PARP8: variants seen among roughly 807,000 people sequenced by gnomAD.
PARP8 encodes poly(ADP-ribose) polymerase family member 8, also known as protein mono-ADP-ribosyltransferase PARP8.
PARP8 carries 51 observed loss-of-function variants against 124.1 expected under a neutral mutation model. That is an observed-to-expected ratio of 0.41 (90% CI 0.33 to 0.52). The LOEUF (loss-of-function observed/expected upper bound fraction) is 0.52, where lower values mean the gene tolerates loss of function less well. PARP8 is among the 20% of genes least tolerant of loss of function. PARP8 has a pLI of 0.21. For missense variants in PARP8, 860 were observed against 1,018.9 expected, an observed-to-expected ratio of 0.84 and a Z score of 2.12; for synonymous variants, 391 against 361.5, an observed-to-expected ratio of 1.08 and a Z score of -0.93.
chr5:50,674,550 C>G (rs1016288785), intron 2 of PARP8, among the ~76,000 whole-genome samples: 2 of 152,214 alleles, frequency 1.3e-5, no homozygotes, highest in Non-Finnish European at 2.9e-5. Context: ...AATCATTCAT[C>G]TGTTCAGAAG....
rs547813526 is a variant in PARP8 at position 50,712,819 on chromosome 5, C to T, written c.147-37332C>T. On this transcript the variant is annotated intron_variant, in intron 2 of 25. Coordinates refer to ENST00000281631, the MANE Select transcript of PARP8 (RefSeq NM_024615.4). ...ATTTTGGTATAAGGACTGTTTAAAA[C>T]AGGAAAGAAGGAGGAACAAGGTTTT... 3.4e-5 allele frequency among the ~76,000 whole-genome samples: 5 copies of T among 149,048 alleles called. No individual in the cohort carries two copies. In the South Asian group the frequency reaches 1.1e-3, roughly 32 times the overall value.
At chr5:50,825,023 C>A in intron 18 of PARP8, 48 bp downstream of exon 18, 1 of 1,455,782 alleles carries the variant, frequency 6.9e-7, no homozygotes, top group Non-Finnish European at 9.6e-7. Context: ...TCCTTTTCTA[C>A]TGCTTGATTT....
At chr5:50,788,186 A>AATATAAATGTATAAT (rs1741493677) in intron 9 of PARP8, among the ~76,000 whole-genome samples, 2 of 144,570 alleles carry the variant, frequency 1.4e-5, no homozygotes, top group African/African-American at 2.5e-5. Flanking sequence ...ATTAATATAT[A>AATATAAATGTATAAT]ATATATTAAT....
chr5:50,690,165 C>T (rs1275020078), intron 2 of PARP8, among the ~76,000 whole-genome samples: 1 of 152,208 alleles, frequency 6.6e-6, no homozygotes, highest in Non-Finnish European at 1.5e-5. Context: ...TTCCTGCAGC[C>T]TCTCAGGAGG....
rs562746051 is a variant in PARP8, at chr5:50,740,762, G to A, written c.147-9389G>A. 8.6e-5 allele frequency among the ~76,000 whole-genome samples: 13 copies of A among 151,356 alleles called. 1 individual carries two copies. In the South Asian group the frequency reaches 1.2e-3, roughly 15 times the overall value. On this transcript the variant is annotated intron_variant, in intron 2 of 25. Coordinates refer to ENST00000281631, the MANE Select transcript of PARP8 (RefSeq NM_024615.4). ...CAGGAAGTCGAGGCTGCAGTGAACC[G>A]TGATTGTGCCACTGCTCTCCAGCCT...
chr5:50,791,013 T>C (rs1189130810), intron 10 of PARP8, among the ~76,000 whole-genome samples: 1 of 152,056 alleles, frequency 6.6e-6, no homozygotes, highest in Admixed American at 6.6e-5. Flanking sequence ...CTCACAATAA[T>C]TTATAAAAAG....
chr5:50,783,577 A>G (rs994058250), intron 9 of PARP8, among the ~76,000 whole-genome samples: 1 of 152,164 alleles, frequency 6.6e-6, no homozygotes, highest in African/African-American at 2.4e-5. Flanking sequence ...ATCCACTACA[A>G]TTTACATATT....
intron 2 of PARP8, among the ~76,000 whole-genome samples, chr5:50,717,497 T>A (rs917081231): frequency 6.6e-6 from 1 of 151,780 alleles, no homozygotes; most frequent in Non-Finnish European, 1.5e-5. Context: ...GGAGTTCAAG[T>A]GTGAGGTTAG....
intron 18 of PARP8, 97 bp from the exon 19 acceptor site, chr5:50,826,658 C>A: frequency 1.4e-6 from 2 of 1,413,592 alleles, no homozygotes; most frequent in Non-Finnish European, 1.9e-6. Context: ...TAGTTTATGG[C>A]ACAGCAAAAA....
chr5:50,824,856 C>A (rs188619588), intron 17 of PARP8, 52 bp from the exon 18 acceptor site: 1 of 1,493,254 alleles, frequency 6.7e-7, no homozygotes, highest in South Asian at 1.1e-5. Context: ...TTTGTGAAAA[C>A]GGAAAAATGA....
At chr5:50,669,988 T>A (rs995201861) in intron 2 of PARP8, among the ~76,000 whole-genome samples, 12 of 152,238 alleles carry the variant, frequency 7.9e-5, no homozygotes, top group African/African-American at 2.9e-4. Flanking sequence ...AAGCTTGTTC[T>A]AAAATACAAT....
At chr5:50,774,565 G>A (rs1304249730) in intron 7 of PARP8, among the ~76,000 whole-genome samples, 5 of 137,320 alleles carry the variant, frequency 3.6e-5, no homozygotes, top group African/African-American at 8.3e-5. Flanking sequence ...GATGATGGGC[G>A]GCCGGGCAGA....
chr5:50,676,599 C>A (rs1448822022), intron 2 of PARP8, among the ~76,000 whole-genome samples: 2 of 152,190 alleles, frequency 1.3e-5, no homozygotes, highest in African/African-American at 2.4e-5. Flanking sequence ...CTCTTAAATT[C>A]GGTCACTTTG....
chr5:50,815,618 A>G lies in PARP8; in HGVS notation c.1668+94A>G, dbSNP rs763474554. 2.8e-4 allele frequency: 240 copies of G among 847,760 alleles called. 1 individual carries two copies. The highest frequency in any genetic ancestry group is 4.6e-4 in the Admixed American group (13 of 28,188). The allele number at this position is 847,760 out of a possible 1,614,324, so 52.5% of individuals were successfully genotyped here. ...TTCATTCTGCTATTCTTTGGGGAAA[A>G]TATTTGATAACTTCTAGTTAAGTGG... is the stretch of plus-strand genomic sequence containing the variant. On this transcript the variant is annotated intron_variant, in intron 15 of 25. Transcript: ENST00000281631.
At chr5:50,717,829 C>T (rs1247503625) in intron 2 of PARP8, among the ~76,000 whole-genome samples, 2 of 151,824 alleles carry the variant, frequency 1.3e-5, no homozygotes, top group Non-Finnish European at 2.9e-5. Context: ...TCATTAACTA[C>T]TCATTGCTAC....
rs866913861 is a variant in PARP8, at chr5:50,842,390, G to A, written c.*322G>A. 24 of 205,582 alleles carry A rather than the reference G, an allele frequency of 1.2e-4. No individual in the cohort carries two copies. In the South Asian group the frequency reaches 1.4e-3, roughly 12 times the overall value. The allele number at this position is 205,582 out of a possible 1,614,324, so 12.7% of individuals were successfully genotyped here. A position where few individuals can be genotyped will look rare whatever the true frequency, so the allele number is the denominator to read the frequency against. The stretch of plus-strand genomic sequence containing the variant: ...ACTAAACTCTTTAACTGGATATTTG[G>A]TATTATATACCGACATTTTAGGTTA... On this transcript the variant is annotated 3_prime_UTR_variant, in exon 26 of 26. Coordinates refer to ENST00000281631, the MANE Select transcript of PARP8 (RefSeq NM_024615.4).
At chr5:50,742,162 G>T (rs112926547) in intron 2 of PARP8, among the ~76,000 whole-genome samples, 2,269 of 152,228 alleles carry the variant, frequency 0.015, 59 homozygotes, top group African/African-American at 0.052. Flanking sequence ...ATGTTGAGTG[G>T]TTCCGAATAA....
At chr5:50,707,489 G>T (rs963399784) in intron 2 of PARP8, among the ~76,000 whole-genome samples, 1 of 151,938 alleles carries the variant, frequency 6.6e-6, no homozygotes, top group Non-Finnish European at 1.5e-5. Flanking sequence ...AAATTGTGAA[G>T]GTTTGATTAA....
intron 15 of PARP8, among the ~76,000 whole-genome samples, chr5:50,820,994 T>C (rs1745701573): frequency 6.6e-6 from 1 of 152,212 alleles, no homozygotes; most frequent in Admixed American, 6.5e-5. Context: ...GAAAAAGAGA[T>C]ATTAAGTTGT....
Sources: gnomAD v4.1 joint callset for allele counts (sites outside exome capture counted in the v4.1 genomes callset) on GRCh38, gnomAD v4.1.1 for gene constraint, MANE v1.5 for transcripts, NCBI Gene and HGNC (gene_info 2026-07-23, HGNC 2026-07-21) for gene names.